VAMP5: variants seen among roughly 807,000 people sequenced by gnomAD.
The protein encoded by VAMP5 is vesicle associated membrane protein 5, also known as vesicle-associated membrane protein 5.
In VAMP5, 10 loss-of-function variants were observed where a neutral mutation model predicts 8.1. The ratio of observed to expected loss-of-function variants is 1.23; its 90% CI spans 0.76 to 2.09. VAMP5 has a LOEUF of 2.09. Among genes scored for constraint, VAMP5 ranks in the 30% most tolerant of loss-of-function variants. The pLI is 0.00. For missense variants in VAMP5, 135 were observed against 152.5 expected, an observed-to-expected ratio of 0.89 and a Z score of 0.60; for synonymous variants, 62 against 60.6, an observed-to-expected ratio of 1.02 and a Z score of -0.11.
chr2:85,584,973 G>A (rs986853113), intron 1 of VAMP5, among the ~76,000 whole-genome samples: 1 of 152,262 alleles, frequency 6.6e-6, no homozygotes, highest in Non-Finnish European at 1.5e-5. Context: ...GGTAGGAAAT[G>A]TAACGACCTC....
rs867793919 is a variant in VAMP5 at position 85,593,019 on chromosome 2, C to G, written c.213C>G (p.Ile71Met). 1 of 1,614,068 alleles carries G rather than the reference C, an allele frequency of 6.2e-7. No individual in the cohort carries two copies. Among genetic ancestry groups the G allele is most frequent in the Non-Finnish European group, 8.5e-7 (1 of 1,180,046 alleles). Reference protein sequence around the residue: ...KKCWENIRYRICVGLVVVGVL... With the variant: ...KKCWENIRYRMCVGLVVVGVL... ...GCTGGGAGAACATCCGTTACCGGAT[C>G]TGCGTGGGGCTGGTGGTGGTTGGTG... Residue 71 changes from isoleucine (I) to methionine (M), a missense_variant, in exon 3 of 3, where the codon ATC becomes ATG. By Grantham distance (10) the Ile-to-Met change is conservative (BLOSUM62 1). Coordinates refer to ENST00000306384, the MANE Select transcript of VAMP5 (RefSeq NM_006634.3).
At chr2:85,592,534 G>T (rs1672556123) in intron 2 of VAMP5, among the ~76,000 whole-genome samples, 1 of 152,152 alleles carries the variant, frequency 6.6e-6, no homozygotes, top group Admixed American at 6.5e-5. Context: ...CGGGCGCGGT[G>T]TCTCACGCCT....
intron 1 of VAMP5, 33 bp downstream of exon 1, chr2:85,584,526 G>T: frequency 8.1e-7 from 1 of 1,237,354 alleles, no homozygotes; most frequent in Non-Finnish European, 1.0e-6. Context: ...CCAGCCCTGC[G>T]ACGGGCAGAG....
chr2:85,593,365 G>C lies in VAMP5; in HGVS notation c.*208G>C. On this transcript the variant is annotated 3_prime_UTR_variant, in exon 3 of 3. Coordinates refer to ENST00000306384, the MANE Select transcript of VAMP5 (RefSeq NM_006634.3). The stretch of plus-strand genomic sequence containing the variant: ...CCATGCTGGGCCAGCCCCACCTGGA[G>C]CTCAGTAAAAACTGCTGTTTGATTA... The C allele has an allele frequency of 3.3e-6, 2 of 610,044 alleles. No homozygotes were observed. The highest frequency in any genetic ancestry group is 3.9e-5 in the South Asian group (2 of 51,292). 37.8% of individuals were successfully genotyped at this position (610,044 alleles called of 1,614,324 possible). A position where few individuals can be genotyped will look rare whatever the true frequency, so the allele number is the denominator to read the frequency against.
chr2:85,591,467 G>T (rs1192392822), intron 1 of VAMP5: 2 of 462,512 alleles, frequency 4.3e-6, no homozygotes, highest in Non-Finnish European at 7.8e-6. Context: ...GGAAGCTGAG[G>T]TGCTGGAAGC....
intron 1 of VAMP5, among the ~76,000 whole-genome samples, chr2:85,589,284 TGTGTATATAGTCA>T (rs1034652017): frequency 1.3e-5 from 2 of 152,172 alleles, no homozygotes; most frequent in African/African-American, 2.4e-5. Context: ...AGCAGAGACC[TGTGTATATAGTCA>T]GTGTCCTTTT....
In VAMP5 at chr2:85,590,613, A is replaced by T. The variant is rs190550454; in HGVS notation, c.4-1112A>T. On this transcript the variant is annotated intron_variant, in intron 1 of 2. Coordinates refer to ENST00000306384, the MANE Select transcript of VAMP5 (RefSeq NM_006634.3). Reference sequence around the variant, plus strand: ...TAAGTGGAATTCAGTCAAGTGCCAAAATGTCTGTTGTAGACAATGGGTGAC... The same window carrying T: ...TAAGTGGAATTCAGTCAAGTGCCAATATGTCTGTTGTAGACAATGGGTGAC... Among the ~76,000 whole-genome samples, 11 of 152,328 alleles carry T rather than the reference A, an allele frequency of 7.2e-5. No individual in the cohort carries two copies. In the East Asian group the frequency reaches 2.1e-3, roughly 29 times the overall value.
chr2:85,590,911 T>C (rs1672529571), intron 1 of VAMP5, among the ~76,000 whole-genome samples: 1 of 152,206 alleles, frequency 6.6e-6, no homozygotes, highest in South Asian at 2.1e-4. Context: ...CTTCCCCAGC[T>C]TGGATCCAAG....
chr2:85,592,002 A>G, intron 2 of VAMP5, 140 bp downstream of exon 2: 2 of 1,287,574 alleles, frequency 1.6e-6, no homozygotes, highest in Non-Finnish European at 2.1e-6. Flanking sequence ...TTCCTCAGGC[A>G]CCCATAGCCT....
intron 2 of VAMP5, 122 bp downstream of exon 2, chr2:85,591,984 C>G (rs1047020774): frequency 4.9e-5 from 72 of 1,455,164 alleles, no homozygotes; most frequent in African/African-American, 1.4e-5. Context: ...AGTGTGGGGC[C>G]TCTGGGTTTC....
chr2:85,590,571 C>T (rs896872034), intron 1 of VAMP5, among the ~76,000 whole-genome samples: 2 of 152,144 alleles, frequency 1.3e-5, no homozygotes, highest in Non-Finnish European at 2.9e-5. Context: ...TCTTCTAACA[C>T]TTAAGTTTTC....
intron 1 of VAMP5, among the ~76,000 whole-genome samples, chr2:85,590,150 C>T (rs1672518609): frequency 1.3e-5 from 2 of 152,208 alleles, no homozygotes; most frequent in African/African-American, 4.8e-5. Flanking sequence ...GCCTCCCCTA[C>T]AGTGGTTTGC....
At chr2:85,591,099 G>A (rs1672532401) in intron 1 of VAMP5, among the ~76,000 whole-genome samples, 1 of 152,258 alleles carries the variant, frequency 6.6e-6, no homozygotes, top group Non-Finnish European at 1.5e-5. Flanking sequence ...AGACGGAGAG[G>A]GAAGTTGGAG....
chr2:85,592,262 TA>T (rs1672552107), intron 2 of VAMP5, among the ~76,000 whole-genome samples: 1 of 152,154 alleles, frequency 6.6e-6, no homozygotes, highest in African/African-American at 2.4e-5. Context: ...CATGCCTGTC[TA>T]ATTTTTGATT....
chr2:85,593,286 C>G lies in VAMP5; in HGVS notation c.*129C>G, dbSNP rs1360079394. On this transcript the variant is annotated 3_prime_UTR_variant, in exon 3 of 3. Coordinates refer to ENST00000306384, the MANE Select transcript of VAMP5 (RefSeq NM_006634.3). The stretch of plus-strand genomic sequence containing the variant: ...AAGGGCAGCCCCAACATGTGCACCC[C>G]TGCATTTCCTGTCATGCCACAGACT... 7 of 971,552 alleles carry G rather than the reference C, an allele frequency of 7.2e-6. No homozygotes were observed. Among genetic ancestry groups the G allele is most frequent in the African/African-American group, 1.6e-5 (1 of 62,250 alleles). The allele number at this position is 971,552 out of a possible 1,614,324, so 60.2% of individuals were successfully genotyped here.
At chr2:85,591,891 A>T (rs559332134) in intron 2 of VAMP5, 29 bp downstream of exon 2, 1 of 1,613,202 alleles carries the variant, frequency 6.2e-7, no homozygotes, top group Admixed American at 1.7e-5. Context: ...CATGGAGGGG[A>T]GGGGAGAGGA....
chr2:85,584,752 G>A (rs1672439922), intron 1 of VAMP5, among the ~76,000 whole-genome samples: 1 of 152,262 alleles, frequency 6.6e-6, no homozygotes, highest in African/African-American at 2.4e-5. Context: ...TTCTCCTGAA[G>A]CAAAGCGGTT....
chr2:85,591,562 A>G, intron 1 of VAMP5, 163 bp from the exon 2 acceptor site: 1 of 1,082,186 alleles, frequency 9.2e-7, no homozygotes, highest in Non-Finnish European at 1.3e-6. Context: ...CTCACCCCGA[A>G]GGCCAGACCT....
intron 1 of VAMP5, among the ~76,000 whole-genome samples, chr2:85,587,016 A>G (rs150679559): frequency 0.11 from 16,600 of 151,744 alleles, 1,744 homozygotes; most frequent in East Asian, 0.3. Flanking sequence ...CAGAGCTTGC[A>G]GTGAGTGGAG....
Sources: allele counts gnomAD v4.1 joint callset (sites outside exome capture counted in the v4.1 genomes callset), GRCh38; gene constraint gnomAD v4.1.1; transcripts MANE v1.5; gene names NCBI Gene and HGNC (gene_info 2026-07-23, HGNC 2026-07-21).